The following RAB3GAP1 variants were observed in gnomAD, a reference collection of about 807,000 sequenced individuals.
The protein encoded by RAB3GAP1 is rab3 GTPase-activating protein catalytic subunit.
RAB3GAP1 carries 86 observed loss-of-function variants against 130.7 expected under a neutral mutation model. The observed-to-expected ratio is 0.66, with a 90% CI of 0.55 to 0.79. The LOEUF (loss-of-function observed/expected upper bound fraction) is 0.79. Ranked by LOEUF, RAB3GAP1 falls within the 30% of genes least tolerant of loss-of-function variation. The pLI, the probability that RAB3GAP1 is intolerant of heterozygous loss-of-function variation, is 0.00. For missense variants in RAB3GAP1, 1,029 were observed against 1,169.4 expected (o/e 0.88, Z 1.75); for synonymous variants, 367 against 401.7 (o/e 0.91, Z 1.03).
intron 13 of RAB3GAP1, 96 bp downstream of exon 13, chr2:135,130,817 A>G (rs1420476707): frequency 2.6e-6 from 3 of 1,146,512 alleles, no homozygotes; most frequent in Non-Finnish European, 3.9e-6. Context: ...ACCTTGGAAT[A>G]TACAATGAGT....
At chr2:135,122,211 G>T (rs1325449188) in intron 8 of RAB3GAP1, among the ~76,000 whole-genome samples, 4 of 151,996 alleles carry the variant, frequency 2.6e-5, no homozygotes, top group Non-Finnish European at 5.9e-5. Context: ...ACACTAAAAG[G>T]ACCGTATCTA....
intron 14 of RAB3GAP1, 78 bp downstream of exon 14, chr2:135,133,062 A>G: frequency 1.2e-6 from 1 of 867,896 alleles, no homozygotes; most frequent in Non-Finnish European, 1.9e-6. Flanking sequence ...TTCTAGTTTA[A>G]TAGCTTACTA....
chr2:135,075,094 T>C (rs1340026026), intron 3 of RAB3GAP1, among the ~76,000 whole-genome samples: 2 of 152,200 alleles, frequency 1.3e-5, no homozygotes, highest in African/African-American at 4.8e-5. Flanking sequence ...TTCAGTAAAA[T>C]GTAAGAAAAG....
intron 17 of RAB3GAP1, 114 bp from the exon 18 acceptor site, chr2:135,150,255 A>G: frequency 1.6e-6 from 2 of 1,269,960 alleles, no homozygotes; most frequent in Admixed American, 2.3e-5. Context: ...ATTTTTAAAA[A>G]TACTCATCTT....
At chr2:135,117,904 A>G (rs1384836697) in intron 7 of RAB3GAP1, among the ~76,000 whole-genome samples, 1 of 150,430 alleles carries the variant, frequency 6.6e-6, no homozygotes, top group Non-Finnish European at 1.5e-5. Flanking sequence ...CCCAGGCTGC[A>G]GTGTAGGGCG....
intron 19 of RAB3GAP1, among the ~76,000 whole-genome samples, chr2:135,159,631 A>C (rs997654612): frequency 1.3e-5 from 2 of 152,238 alleles, no homozygotes; most frequent in African/African-American, 4.8e-5. Context: ...CTTGAAGGGG[A>C]TCCTGGAACA....
Position 135,124,213 on chromosome 2 carries a change from A to C in RAB3GAP1, c.797A>C (p.Lys266Thr). 1 of 1,614,202 alleles carries C rather than the reference A, an allele frequency of 6.2e-7. No homozygotes were observed. Among genetic ancestry groups the C allele is most frequent in the African/African-American group, 1.3e-5 (1 of 75,074 alleles). ...GGEVGGLEFG[K>T]LPFGACEDPI... ...GAAGTTGGAGGCTTGGAGTTTGGCA[A>C]GTTACCATTTGGTGCCTGCGAAGAT... is the stretch of plus-strand genomic sequence containing the variant. Residue 266 changes from lysine to threonine, a missense_variant, in exon 9 of 24, where the codon AAG becomes ACG. Physicochemically the swap from Lys to Thr is moderately conservative, Grantham distance 78. Around this residue, in one of 3 missense-constraint regions of RAB3GAP1, gnomAD observed 510 missense variants for 532.1 expected, o/e 0.96. Coordinates refer to ENST00000264158, the MANE Select transcript of RAB3GAP1 (RefSeq NM_012233.3).
chr2:135,142,189 T>C (rs2104963027), intron 17 of RAB3GAP1, among the ~76,000 whole-genome samples: 1 of 152,346 alleles, frequency 6.6e-6, no homozygotes, highest in Admixed American at 6.5e-5. Flanking sequence ...TTCAATTTTA[T>C]TTAAAGTTTC....
rs142938209 is a variant in RAB3GAP1, at chr2:135,093,465, C to G, written c.284-150C>G. 658 of 642,968 alleles carry G rather than the reference C, an allele frequency of 1.0e-3. 6 individuals carry two copies. In the East Asian group the frequency reaches 0.016, roughly 16 times the overall value. The allele number at this position is 642,968 out of a possible 1,614,324, so 39.8% of individuals were successfully genotyped here. A position where few individuals can be genotyped will look rare whatever the true frequency, so the allele number is the denominator to read the frequency against. On this transcript the variant is annotated intron_variant, in intron 4 of 23. Coordinates refer to ENST00000264158, the MANE Select transcript of RAB3GAP1 (RefSeq NM_012233.3). ...AAAAAAATGAGAGAGAAATCCCTCT[C>G]CCTGTACTCAAGAGCTATCTTTAGA...
intron 3 of RAB3GAP1, among the ~76,000 whole-genome samples, chr2:135,061,722 T>C (rs1192960319): frequency 6.6e-6 from 1 of 152,104 alleles, no homozygotes; most frequent in Admixed American, 6.5e-5. Context: ...TTCTCAGTAG[T>C]TTTGCTAGGT....
At chr2:135,148,668 CTTTTT>C (rs60407802) in intron 17 of RAB3GAP1, among the ~76,000 whole-genome samples, 2 of 113,108 alleles carry the variant, frequency 1.8e-5, no homozygotes, top group African/African-American at 3.4e-5. Flanking sequence ...ATTTTTGTAT[CTTTTT>C]TTTTTTTTTT....
intron 21 of RAB3GAP1, 53 bp from the exon 22 acceptor site, chr2:135,162,933 G>C (rs112764908): frequency 6.3e-7 from 1 of 1,576,894 alleles, no homozygotes; most frequent in African/African-American, 1.4e-5. Flanking sequence ...TTTTCAAAGG[G>C]CTTTGCTTTT....
At chr2:135,055,172 G>C (rs182177037) in intron 2 of RAB3GAP1, among the ~76,000 whole-genome samples, 3 of 152,182 alleles carry the variant, frequency 2.0e-5, no homozygotes, top group Admixed American at 6.5e-5. Context: ...GTTTATGTAA[G>C]AGCTAGAAAG....
At chr2:135,175,053 A>G (rs886489648), downstream of RAB3GAP1, among the ~76,000 whole-genome samples, 1 of 150,870 alleles carries the variant, frequency 6.6e-6, no homozygotes, top group Non-Finnish European at 1.5e-5. Context: ...TACTTTGGGG[A>G]AAAAAACACA....
At chr2:135,148,668 CTTTTTTTT>C (rs60407802) in intron 17 of RAB3GAP1, among the ~76,000 whole-genome samples, 2 of 113,108 alleles carry the variant, frequency 1.8e-5, no homozygotes, top group African/African-American at 3.4e-5. Flanking sequence ...ATTTTTGTAT[CTTTTTTTT>C]TTTTTTTTTT....
intron 3 of RAB3GAP1, among the ~76,000 whole-genome samples, chr2:135,080,794 A>G (rs897825759): frequency 6.6e-6 from 1 of 152,064 alleles, no homozygotes; most frequent in Non-Finnish European, 1.5e-5. Context: ...TTGTTTCTGA[A>G]TTTCCCCTGT....
rs748988100 is a variant in RAB3GAP1 at position 135,162,783 on chromosome 2, A to C, written c.2422A>C (p.Ile808Leu). 8.7e-6 allele frequency: 14 copies of C among 1,613,732 alleles called. No individual in the cohort carries two copies. The South Asian group carries it at 1.5e-4, about 18-fold the overall frequency. The part of the protein sequence containing the change: ...LENISSVKKI[I>L]KQIISHSSKV... Reference sequence around the variant, plus strand: ...AAACATTTCTTCAGTTAAGAAGATCATAAAGCAGATAATATCCCATTCCAG... The same window carrying C: ...AAACATTTCTTCAGTTAAGAAGATCCTAAAGCAGATAATATCCCATTCCAG... The change falls in exon 21 of 24, where the codon ATA becomes CTA. Residue 808 changes from isoleucine to leucine, a missense_variant. By Grantham distance (5) the Ile-to-Leu change is conservative. Around this residue, in one of 3 missense-constraint regions of RAB3GAP1, gnomAD observed 373 missense variants for 493.6 expected, o/e 0.76. Coordinates refer to ENST00000264158, the MANE Select transcript of RAB3GAP1 (RefSeq NM_012233.3).
At chr2:135,105,132 T>A (rs1310681315) in intron 5 of RAB3GAP1, among the ~76,000 whole-genome samples, 2 of 151,910 alleles carry the variant, frequency 1.3e-5, no homozygotes, top group African/African-American at 4.8e-5. Context: ...GTAATGGGAC[T>A]CCCAGGTGAA....
intron 5 of RAB3GAP1, among the ~76,000 whole-genome samples, chr2:135,103,796 G>A (rs1380920304): frequency 6.6e-6 from 1 of 152,194 alleles, no homozygotes; most frequent in East Asian, 1.9e-4. Flanking sequence ...GGGAACAGAT[G>A]GGTAAAACCT....
Sources: gnomAD v4.1 joint callset for allele counts (sites outside exome capture counted in the v4.1 genomes callset) on GRCh38, gnomAD v4.1.1 for gene constraint, gnomAD v4.1.1 regional missense constraint, MANE v1.5 for transcripts, NCBI Gene and HGNC (gene_info 2026-07-23, HGNC 2026-07-21) for gene names.